The following ALG1L2 variants were observed in gnomAD, a reference collection of about 807,000 sequenced individuals.
The protein encoded by ALG1L2 is putative glycosyltransferase ALG1L2.
In ALG1L2, 32 loss-of-function variants were observed where a neutral mutation model predicts 29.0. That is an observed-to-expected ratio of 1.10 (90% confidence interval 0.83 to 1.48). The LOEUF is 1.48. Among genes scored for constraint, ALG1L2 ranks in the 40% most tolerant of loss-of-function variants. The pLI is 0.00. For missense variants in ALG1L2, 318 were observed against 274.1 expected (o/e 1.16, Z -1.13); for synonymous variants, 110 against 109.5 (o/e 1.00, Z -0.03).
intron 2 of ALG1L2, 183 bp from the exon 3 acceptor site, chr3:130,091,917 AC>A: frequency 2.2e-6 from 2 of 928,888 alleles, no homozygotes; most frequent in South Asian, 3.1e-5. Flanking sequence ...TAACCTTAGC[AC>A]CCAGCAACAA....
chr3:130,087,918 A>G (rs1236712585), intron 1 of ALG1L2, among the ~76,000 whole-genome samples: 1 of 152,262 alleles, frequency 6.6e-6, no homozygotes, highest in Admixed American at 6.5e-5. Flanking sequence ...AGACATCGGC[A>G]TGTGTAAAAC....
chr3:130,084,299 C>CA (rs1553718982), intron 1 of ALG1L2, among the ~76,000 whole-genome samples: 3,605 of 144,550 alleles, frequency 0.025, 17 homozygotes, highest in African/African-American at 0.085. Flanking sequence ...TTCCCCCCCT[C>CA]AAAAAAAATT....
intron 1 of ALG1L2, among the ~76,000 whole-genome samples, chr3:130,085,887 C>G (rs1414951229): frequency 6.6e-6 from 1 of 151,180 alleles, no homozygotes; most frequent in Non-Finnish European, 1.5e-5. Flanking sequence ...CACTTAGCAG[C>G]CCAGGTGAAG....
intron 1 of ALG1L2, among the ~76,000 whole-genome samples, chr3:130,082,733 C>T (rs1168503482): frequency 6.7e-6 from 1 of 148,864 alleles, no homozygotes; most frequent in Non-Finnish European, 1.5e-5. Context: ...CGTCCCTTGC[C>T]ACCGCACTCC....
At chr3:130,086,989 C>T (rs1248068298) in intron 1 of ALG1L2, among the ~76,000 whole-genome samples, 2 of 151,250 alleles carry the variant, frequency 1.3e-5, no homozygotes, top group South Asian at 2.1e-4. Context: ...CCAGAACCTT[C>T]CTTTCTTTCT....
chr3:130,096,643 G>A (rs1271848938), intron 6 of ALG1L2, among the ~76,000 whole-genome samples: 1 of 152,174 alleles, frequency 6.6e-6, no homozygotes, highest in Non-Finnish European at 1.5e-5. Context: ...ACCCAGCATA[G>A]ACGGGTGTTT....
rs1221779228 is a variant in ALG1L2, at chr3:130,084,727, G to A, written c.20+2691G>A. 1.2e-4 allele frequency among the ~76,000 whole-genome samples: 15 copies of A among 126,970 alleles called. 4 individuals are homozygous for A. The South Asian group carries it at 1.5e-3, about 13-fold the overall frequency. The allele number at this position is 126,970 out of a possible 152,430, so 83.3% of individuals were successfully genotyped here. ...GCCAGAGGGCTGAGATGAAGGGATT[G>A]TCAGGGCCAGGCTCCCTCTGAGGAT... On this transcript the variant is annotated intron_variant, in intron 1 of 7. Coordinates refer to ENST00000425059, the MANE Select transcript of ALG1L2 (RefSeq NM_001136152.1).
At chr3:130,087,984 T>G (rs1371238475) in intron 1 of ALG1L2, among the ~76,000 whole-genome samples, 1 of 152,302 alleles carries the variant, frequency 6.6e-6, no homozygotes, top group African/African-American at 2.4e-5. Context: ...AGCTTAGCCT[T>G]TAGTGTCATT....
At chr3:130,084,542 G>A (rs9883686) in intron 1 of ALG1L2, among the ~76,000 whole-genome samples, 56,365 of 99,536 alleles carry the variant, frequency 0.57, 19,113 homozygotes, top group Non-Finnish European at 0.62. Context: ...GACAATAACA[G>A]CAGCACTTAT....
At position 130,098,381 on chromosome 3, in the gene ALG1L2, T is replaced by C; in HGVS notation, c.*126T>C. On this transcript the variant is annotated 3_prime_UTR_variant, in exon 8 of 8. Coordinates refer to ENST00000425059, the MANE Select transcript of ALG1L2 (RefSeq NM_001136152.1). Reference sequence around the variant, plus strand: ...GACACATAACTCCTGGGCCAGAGGCTAAAACCCCAGGGCCCCTGCTGTCCT... The same window carrying C: ...GACACATAACTCCTGGGCCAGAGGCCAAAACCCCAGGGCCCCTGCTGTCCT... 6.3e-7 allele frequency: 1 copy of C among 1,595,660 alleles called. No individual in the cohort carries two copies. The highest frequency in any genetic ancestry group is 8.5e-7 in the Non-Finnish European group (1 of 1,179,238).
chr3:130,097,347 C>A, intron 7 of ALG1L2, 97 bp downstream of exon 7: 1 of 1,523,898 alleles, frequency 6.6e-7, no homozygotes, highest in South Asian at 1.2e-5. Context: ...CAGGGTGGGA[C>A]CATGCGGGGT....
chr3:130,091,659 A>G (rs1935016539), intron 2 of ALG1L2: 3 of 543,794 alleles, frequency 5.5e-6, no homozygotes, highest in African/African-American at 3.8e-5. Flanking sequence ...AAGGAATGTT[A>G]AAGGGTCTTA....
At position 130,092,938 on chromosome 3, in the gene ALG1L2, G is replaced by A. The variant is rs561494156; in HGVS notation, c.254-163G>A. Among the ~76,000 whole-genome samples, 5 of 149,460 alleles carry A rather than the reference G, an allele frequency of 3.3e-5. No homozygotes were observed. The East Asian group carries it at 6.0e-4, about 18-fold the overall frequency. ...CCAGCTACTTGGGAGGCTGATGCAC[G>A]AGAATTACTTGAACCTGGGAGGCAG... is the stretch of plus-strand genomic sequence containing the variant. On this transcript the variant is annotated intron_variant, in intron 3 of 7. Coordinates refer to ENST00000425059, the MANE Select transcript of ALG1L2 (RefSeq NM_001136152.1).
At chr3:130,094,247 T>A (rs1935082048) in intron 4 of ALG1L2, 156 bp from the exon 5 acceptor site, 3 of 884,912 alleles carry the variant, frequency 3.4e-6, no homozygotes, top group Non-Finnish European at 5.3e-6. Flanking sequence ...GGCTCCTGAG[T>A]TGCTTCTGGA....
At chr3:130,095,936 G>A in intron 5 of ALG1L2, 113 bp from the exon 6 acceptor site, 2 of 1,140,588 alleles carry the variant, frequency 1.8e-6, no homozygotes, top group African/African-American at 1.5e-5. Flanking sequence ...GGGGATGTCG[G>A]GGGCCTTATC....
chr3:130,090,077 C>A (rs1247625951), intron 1 of ALG1L2, among the ~76,000 whole-genome samples: 5 of 152,064 alleles, frequency 3.3e-5, no homozygotes, highest in Non-Finnish European at 5.9e-5. Flanking sequence ...AACTGAGGGC[C>A]TGGCACGGTG....
chr3:130,094,345 G>T (rs1935084292), intron 4 of ALG1L2, 58 bp from the exon 5 acceptor site: 36 of 1,563,676 alleles, frequency 2.3e-5, no homozygotes, highest in Non-Finnish European at 3.0e-5. Flanking sequence ...CTTGGGCCTG[G>T]GGCTATGTGG....
At chr3:130,098,038 G>A (rs1935182168) in intron 7 of ALG1L2, among the ~76,000 whole-genome samples, 185 bp from the exon 8 acceptor site, 1 of 151,166 alleles carries the variant, frequency 6.6e-6, no homozygotes, top group African/African-American at 2.5e-5. Context: ...TGGGACATAC[G>A]GGGAAGTTTC....
rs748198774 is a variant in ALG1L2, at chr3:130,093,149, G to A, written c.302G>A (p.Cys101Tyr). Reference sequence around the variant, plus strand: ...GGACAGAACCTTCCTTCTCTCGTCTGTGTGATAACAGGTACTGCCTGGGAC... The same window carrying A: ...GGACAGAACCTTCCTTCTCTCGTCTATGTGATAACAGGTACTGCCTGGGAC... ...LDGQNLPSLV[C>Y]VITGKGPLRE... The change falls in exon 4 of 8, where the codon TGT (cysteine) becomes TAT (tyrosine). Residue 101 changes from cysteine (C) to tyrosine (Y), a missense_variant. Physicochemically the swap from Cys to Tyr is radical, Grantham distance 194. Coordinates refer to ENST00000425059, the MANE Select transcript of ALG1L2 (RefSeq NM_001136152.1). The A allele has an allele frequency of 1.9e-6, 3 of 1,611,190 alleles. No individual in the cohort carries two copies. Among genetic ancestry groups the A allele is most frequent in the Admixed American group, 1.7e-5 (1 of 59,926 alleles).
Sources: gnomAD v4.1 joint callset for allele counts (sites outside exome capture counted in the v4.1 genomes callset) on GRCh38, gnomAD v4.1.1 for gene constraint, MANE v1.5 for transcripts, NCBI Gene and HGNC (gene_info 2026-07-23, HGNC 2026-07-21) for gene names.